The following RORA variants were observed in gnomAD, a reference collection of about 807,000 sequenced individuals.
The protein encoded by RORA is nuclear receptor ROR-alpha.
RORA carries 7 observed loss-of-function variants against 69.5 expected under a neutral mutation model. That is an observed-to-expected ratio of 0.10 (90% confidence interval 0.06 to 0.19). The LOEUF is 0.19. RORA is among the 10% of genes least tolerant of loss of function. The probability of loss-of-function intolerance (pLI) is 1.00; values close to 1 mark genes in which losing one functional copy is unlikely to be tolerated. For missense variants in RORA, 457 were observed against 663.0 expected, an observed-to-expected ratio of 0.69 and a Z score of 3.41; for synonymous variants, 261 against 240.8, an observed-to-expected ratio of 1.08 and a Z score of -0.78.
chr15:60,813,549 C>T (rs1406674433), intron 1 of RORA, among the ~76,000 whole-genome samples: 9 of 152,216 alleles, frequency 5.9e-5, no homozygotes, highest in Non-Finnish European at 1.3e-4. Context: ...AAAATCTAGT[C>T]TTCAAAATGA....
At chr15:60,620,258 G>A (rs1339540166) in intron 2 of RORA, among the ~76,000 whole-genome samples, 1 of 152,170 alleles carries the variant, frequency 6.6e-6, no homozygotes, top group Admixed American at 6.5e-5. Flanking sequence ...CATAGAAAAT[G>A]TGAAAGGGAA....
At chr15:60,593,165 T>A (rs767073445) in intron 2 of RORA, 2 of 301,350 alleles carry the variant, frequency 6.6e-6, no homozygotes, top group Non-Finnish European at 1.3e-5. Flanking sequence ...ACCCAACCCT[T>A]GGCAACCCTT....
chr15:60,690,583 G>C (rs1044928430), intron 1 of RORA, among the ~76,000 whole-genome samples: 2 of 152,180 alleles, frequency 1.3e-5, no homozygotes, highest in African/African-American at 4.8e-5. Flanking sequence ...TGCTACAATA[G>C]TTTTCAACCT....
At chr15:60,505,062 T>C (rs552173949) in intron 6 of RORA, among the ~76,000 whole-genome samples, 11 of 152,368 alleles carry the variant, frequency 7.2e-5, no homozygotes, top group South Asian at 6.2e-4. Flanking sequence ...ACTGGAGTTA[T>C]GATCACAGCT....
At chr15:60,625,655 T>C (rs2069556161) in intron 2 of RORA, among the ~76,000 whole-genome samples, 1 of 152,228 alleles carries the variant, frequency 6.6e-6, no homozygotes, top group Non-Finnish European at 1.5e-5. Context: ...GAAATTGCTA[T>C]GGAATTATCT....
At chr15:60,642,119 G>A (rs11071548) in intron 2 of RORA, among the ~76,000 whole-genome samples, 85,951 of 151,992 alleles carry the variant, frequency 0.57, 24,552 homozygotes, top group East Asian at 0.8. Context: ...TTAGCTCAGG[G>A]AGTCATTCTT....
At chr15:60,592,757 C>G in intron 2 of RORA, 1 of 1,028,672 alleles carries the variant, frequency 9.7e-7, no homozygotes, top group Admixed American at 4.5e-5. Flanking sequence ...TGCCCTCCCG[C>G]GCCCCGGGCC....
intron 2 of RORA, chr15:60,556,971 G>T (rs201877041): frequency 4.8e-5 from 73 of 1,510,408 alleles, no homozygotes; most frequent in Non-Finnish European, 6.2e-5. Context: ...ACAAAGAAAA[G>T]ATTTATCAGA....
chr15:61,050,554 C>A (rs1481989621), intron 1 of RORA, among the ~76,000 whole-genome samples: 1 of 152,112 alleles, frequency 6.6e-6, no homozygotes, highest in African/African-American at 2.4e-5. Context: ...AAAGAGAACT[C>A]AAGGCACAAA....
At chr15:61,044,942 T>C (rs962558734) in intron 1 of RORA, among the ~76,000 whole-genome samples, 1 of 152,206 alleles carries the variant, frequency 6.6e-6, no homozygotes, top group African/African-American at 2.4e-5. Flanking sequence ...GTTGAATGAA[T>C]AAATGAGTTA....
intron 1 of RORA, among the ~76,000 whole-genome samples, chr15:60,871,266 C>T (rs942464227): frequency 2.0e-5 from 3 of 152,052 alleles, no homozygotes; most frequent in Non-Finnish European, 4.4e-5. Flanking sequence ...CCAAAGCACA[C>T]ATTTGGAAGC....
chr15:60,671,067 G>GACATATATATAT (rs1244344338), intron 2 of RORA, among the ~76,000 whole-genome samples: 1 of 122,310 alleles, frequency 8.2e-6, no homozygotes, highest in Non-Finnish European at 1.6e-5. Context: ...ATATCCCATT[G>GACATATATATAT]ATATATATAT....
chr15:60,496,113 TATGGAGAGCAACATTCTTGAATTATAGCA>T lies in RORA; in HGVS notation c.*1313_*1341del. 7.2e-5 allele frequency: 11 copies of T among 152,280 alleles called. No individual in the cohort carries two copies. The highest frequency in any genetic ancestry group is 2.4e-4 in the African/African-American group (10 of 41,552). 9.4% of individuals were successfully genotyped at this position (152,280 alleles called of 1,614,324 possible). Reference sequence around the variant, plus strand: ...ACCCTCCTATCCATCGTTTTTCAAATATGGAGAGCAACATTCTTGAATTATAGCATCTATTGACAACAAATCTAGAATTA... The same window carrying T: ...ACCCTCCTATCCATCGTTTTTCAAATTCTATTGACAACAAATCTAGAATTA... On this transcript the variant is annotated 3_prime_UTR_variant, in exon 11 of 11. Coordinates refer to ENST00000335670, the MANE Select transcript of RORA (RefSeq NM_134261.3). This position sits in a 1 kb window ranked among gnomAD's most constrained non-coding sequence, Gnocchi z 4.5.
intron 1 of RORA, among the ~76,000 whole-genome samples, chr15:60,834,206 G>A (rs925368465): frequency 1.8e-4 from 28 of 152,240 alleles, no homozygotes; most frequent in Admixed American, 1.3e-3. Context: ...ACAAAATAGC[G>A]GTACATGTCA....
At chr15:60,521,092 A>G (rs1214241089) in intron 3 of RORA, among the ~76,000 whole-genome samples, 1 of 152,172 alleles carries the variant, frequency 6.6e-6, no homozygotes, top group Admixed American at 6.5e-5. Context: ...ATGCATCAGA[A>G]ACACCCACAG....
chr15:60,625,129 A>C (rs1032793962), intron 2 of RORA, among the ~76,000 whole-genome samples: 18 of 152,212 alleles, frequency 1.2e-4, no homozygotes, highest in African/African-American at 4.3e-4. Context: ...CCAAGCTCCA[A>C]TGGAGAGAGG....
intron 2 of RORA, among the ~76,000 whole-genome samples, chr15:60,677,849 C>G (rs1233992560): frequency 6.6e-6 from 1 of 152,180 alleles, no homozygotes; most frequent in East Asian, 1.9e-4. Context: ...ATAGGTAGCA[C>G]GTATCCGTGG....
chr15:60,551,266 C>T (rs2067220243), intron 2 of RORA, among the ~76,000 whole-genome samples: 1 of 151,836 alleles, frequency 6.6e-6, no homozygotes, highest in Non-Finnish European at 1.5e-5. Flanking sequence ...GAAATGTATA[C>T]TGCAAAATAG....
intron 1 of RORA, among the ~76,000 whole-genome samples, chr15:61,090,047 G>C (rs1192871969): frequency 6.6e-6 from 1 of 152,190 alleles, no homozygotes; most frequent in African/African-American, 2.4e-5. Context: ...GCAAGCCCAG[G>C]GTTTTTGCCC....
Sources: gnomAD v4.1 joint callset for allele counts (sites outside exome capture counted in the v4.1 genomes callset) on GRCh38, gnomAD v4.1.1 for gene constraint, Gnocchi (gnomAD v3.1) non-coding constraint, MANE v1.5 for transcripts, NCBI Gene and HGNC (gene_info 2026-07-23, HGNC 2026-07-21) for gene names.